The following RASGRF2 variants were observed in gnomAD, a reference collection of about 807,000 sequenced individuals.
The protein encoded by RASGRF2 is ras-specific guanine nucleotide-releasing factor 2.
Under a neutral mutation model 151.0 loss-of-function variants are expected in RASGRF2, and 76 were observed. The observed-to-expected ratio is 0.50, with a 90% CI of 0.42 to 0.61. The LOEUF is 0.61. Ranked by LOEUF, RASGRF2 falls within the 20% of genes least tolerant of loss-of-function variation. RASGRF2 has a pLI of 0.00. For missense variants in RASGRF2, 1,148 were observed against 1,564.6 expected, an observed-to-expected ratio of 0.73 and a Z score of 4.49; for synonymous variants, 504 against 566.5, an observed-to-expected ratio of 0.89 and a Z score of 1.57.
At chr5:81,159,180 T>C (rs1754326252) in intron 17 of RASGRF2, among the ~76,000 whole-genome samples, 1 of 151,480 alleles carries the variant, frequency 6.6e-6, no homozygotes, top group Non-Finnish European at 1.5e-5. Flanking sequence ...TAAAAAGGAA[T>C]GAATGACTGG....
At chr5:81,124,889 CT>C (rs1369705236) in intron 16 of RASGRF2, among the ~76,000 whole-genome samples, 16 of 146,386 alleles carry the variant, frequency 1.1e-4, no homozygotes, top group East Asian at 2.0e-4. Flanking sequence ...AATGAAAAGG[CT>C]TTTTTTTTTG....
rs912075315 is a variant in RASGRF2 at position 81,228,673 on chromosome 5, G to T, written c.*2903G>T. On this transcript the variant is annotated 3_prime_UTR_variant, in exon 27 of 27. Coordinates refer to ENST00000265080, the MANE Select transcript of RASGRF2 (RefSeq NM_006909.3). ...CAACGAAATTATCTTGGAGCTTTTAGGGGATGCCTTTTCGTTATTAACTGA... is the reference window on the plus strand; with the variant it reads ...CAACGAAATTATCTTGGAGCTTTTATGGGATGCCTTTTCGTTATTAACTGA... The T allele has an allele frequency of 1.3e-5, 2 of 152,208 alleles. No individual in the cohort carries two copies. Among genetic ancestry groups the T allele is most frequent in the African/African-American group, 2.4e-5 (1 of 41,452 alleles). The allele number at this position is 152,208 out of a possible 1,614,324, so 9.4% of individuals were successfully genotyped here.
At chr5:81,191,984 CT>C (rs1469372193) in intron 18 of RASGRF2, among the ~76,000 whole-genome samples, 1 of 152,232 alleles carries the variant, frequency 6.6e-6, no homozygotes, top group East Asian at 1.9e-4. Flanking sequence ...CACATTTTCG[CT>C]GTGCCTTCTC....
intron 1 of RASGRF2, among the ~76,000 whole-genome samples, chr5:80,972,810 T>C (rs1470717107): frequency 6.6e-6 from 1 of 152,208 alleles, no homozygotes; most frequent in Non-Finnish European, 1.5e-5. Flanking sequence ...TGTTCAACCT[T>C]TACCCATCTT....
chr5:80,966,145 TCTA>T (rs1747716125), intron 1 of RASGRF2, among the ~76,000 whole-genome samples: 1 of 151,888 alleles, frequency 6.6e-6, no homozygotes, highest in Non-Finnish European at 1.5e-5. Context: ...TTGTTACCCT[TCTA>T]CTATTTTCTA....
intron 17 of RASGRF2, among the ~76,000 whole-genome samples, chr5:81,131,140 A>C (rs1171772619): frequency 6.6e-6 from 1 of 152,200 alleles, no homozygotes; most frequent in African/African-American, 2.4e-5. Flanking sequence ...AAACTTCCTT[A>C]ATGCATTAAA....
chr5:80,981,602 G>C (rs929658882), intron 1 of RASGRF2, among the ~76,000 whole-genome samples: 2 of 152,080 alleles, frequency 1.3e-5, no homozygotes, highest in African/African-American at 4.8e-5. Flanking sequence ...GTCTCACTCT[G>C]TCGCCCAGGT....
chr5:80,985,461 G>A (rs966543667), intron 1 of RASGRF2, among the ~76,000 whole-genome samples: 2 of 152,092 alleles, frequency 1.3e-5, no homozygotes, highest in South Asian at 2.1e-4. Flanking sequence ...TATTTTTGTG[G>A]CATGAGAATT....
At chr5:81,025,552 A>G (rs925587926) in intron 1 of RASGRF2, among the ~76,000 whole-genome samples, 3 of 152,138 alleles carry the variant, frequency 2.0e-5, no homozygotes, top group Non-Finnish European at 4.4e-5. Flanking sequence ...TAACTCTTTT[A>G]TGGCCTTGAG....
chr5:81,195,084 C>A lies in RASGRF2; in HGVS notation c.2794-6246C>A, dbSNP rs530658691. Among the ~76,000 whole-genome samples, 15 of 152,316 alleles carry A rather than the reference C, an allele frequency of 9.8e-5. No individual in the cohort carries two copies. The South Asian group carries it at 3.1e-3, about 32-fold the overall frequency. ...ATAACTTCAATAAGTACCTCGGGGT[C>A]TCTTGGGTGCCATGGATTCGCTCTC... On this transcript the variant is annotated intron_variant, in intron 18 of 26. Coordinates refer to ENST00000265080, the MANE Select transcript of RASGRF2 (RefSeq NM_006909.3).
intron 17 of RASGRF2, among the ~76,000 whole-genome samples, chr5:81,150,981 G>T (rs891643592): frequency 1.3e-5 from 2 of 152,226 alleles, no homozygotes; most frequent in Admixed American, 6.5e-5. Context: ...TCAGGAAGGG[G>T]AAGAAGTCTG....
chr5:81,123,445 C>CTAACAGGCCCTCT lies in RASGRF2; in HGVS notation c.2471-197_2471-196insTAACAGGCCCTCT, dbSNP rs1368470483. ...AGGGTCAGCTAGGGTCAGCCAGGCC[C>CTAACAGGCCCTCT]AACAGGGTCATCAAGACAGGGTTAG... On this transcript the variant is annotated intron_variant, in intron 15 of 26. Coordinates refer to ENST00000265080, the MANE Select transcript of RASGRF2 (RefSeq NM_006909.3). 2.0e-5 allele frequency among the ~76,000 whole-genome samples: 3 copies of CTAACAGGCCCTCT among 152,260 alleles called. No homozygotes were observed. In the East Asian group the frequency reaches 5.8e-4, roughly 29 times the overall value.
intron 1 of RASGRF2, among the ~76,000 whole-genome samples, chr5:81,006,978 T>C (rs1199588024): frequency 6.6e-6 from 1 of 152,152 alleles, no homozygotes; most frequent in African/African-American, 2.4e-5. Flanking sequence ...AAAAATGGTT[T>C]ACTAACCCCC....
chr5:81,111,508 T>C (rs1752992573), intron 13 of RASGRF2, among the ~76,000 whole-genome samples: 1 of 152,158 alleles, frequency 6.6e-6, no homozygotes, highest in South Asian at 2.1e-4. Context: ...ACATTTTTAA[T>C]ACCACAGAAT....
In RASGRF2 at chr5:81,094,984, A is replaced by C. The variant is rs1284263188; in HGVS notation, c.1747A>C (p.Ile583Leu). 1 of 1,522,100 alleles carries C rather than the reference A, an allele frequency of 6.6e-7. No homozygotes were observed. Among genetic ancestry groups the C allele is most frequent in the Admixed American group, 2.2e-5 (1 of 45,772 alleles). The allele number at this position is 1,522,100 out of a possible 1,614,324, so 94.3% of individuals were successfully genotyped here. A position where few individuals can be genotyped will look rare whatever the true frequency, so the allele number is the denominator to read the frequency against. ...GGAGAAAGCTGCCTGGATGAGTGACATCAGTCAGGTAAGAAAGTGGCTTTT... is the reference window on the plus strand; with the variant it reads ...GGAGAAAGCTGCCTGGATGAGTGACCTCAGTCAGGTAAGAAAGTGGCTTTT... ...RQEKAAWMSD[I>L]SQCVDNIRCN... Residue 583 changes from isoleucine (I) to leucine (L), a missense_variant, in exon 12 of 27, where the codon ATC becomes CTC. Physicochemically the swap from Ile to Leu is conservative, Grantham distance 5 (BLOSUM62 2). Coordinates refer to ENST00000265080, the MANE Select transcript of RASGRF2 (RefSeq NM_006909.3).
chr5:80,993,036 GT>G (rs1748704015), intron 1 of RASGRF2, among the ~76,000 whole-genome samples: 1 of 152,168 alleles, frequency 6.6e-6, no homozygotes, highest in African/African-American at 2.4e-5. Flanking sequence ...GTTTTGAACT[GT>G]GTTCTCAGCA....
intron 1 of RASGRF2, among the ~76,000 whole-genome samples, chr5:80,980,165 A>G (rs1748251526): frequency 1.3e-5 from 2 of 152,212 alleles, no homozygotes; most frequent in Non-Finnish European, 2.9e-5. Flanking sequence ...ACTCATGGAT[A>G]AGGAAACTCA....
In RASGRF2 at chr5:81,112,536, A is replaced by G. The variant is rs144444376; in HGVS notation, c.1839-74A>G. 1.8e-5 allele frequency: 28 copies of G among 1,585,628 alleles called. No homozygotes were observed. In the African/African-American group the frequency reaches 3.4e-4, roughly 19 times the overall value. On this transcript the variant is annotated intron_variant, in intron 13 of 26. Coordinates refer to ENST00000265080, the MANE Select transcript of RASGRF2 (RefSeq NM_006909.3). ...CCCACTCCTGAGTGTGTGATTACAA[A>G]CGCTGAAATATTCAGTGGCCGAGGG... is the stretch of plus-strand genomic sequence containing the variant.
intron 1 of RASGRF2, among the ~76,000 whole-genome samples, chr5:80,970,295 G>T (rs1303973809): frequency 1.3e-5 from 2 of 152,166 alleles, no homozygotes; most frequent in Non-Finnish European, 2.9e-5. Flanking sequence ...TTTATCTAGG[G>T]TTAGTTGGTT....
Sources: gnomAD v4.1 joint callset for allele counts (sites outside exome capture counted in the v4.1 genomes callset) on GRCh38, gnomAD v4.1.1 for gene constraint, MANE v1.5 for transcripts, NCBI Gene and HGNC (gene_info 2026-07-23, HGNC 2026-07-21) for gene names.